The following PTPRD variants were observed in gnomAD, a reference collection of about 807,000 sequenced individuals.
PTPRD encodes the protein protein tyrosine phosphatase receptor type D, also known as receptor-type tyrosine-protein phosphatase delta.
Under a neutral mutation model 214.5 loss-of-function variants are expected in PTPRD, and 34 were observed. The ratio of observed to expected loss-of-function variants is 0.16; its 90% CI spans 0.12 to 0.21. PTPRD has a LOEUF of 0.21. PTPRD is among the 10% of genes least tolerant of loss of function. The probability of loss-of-function intolerance (pLI) is 1.00; values close to 1 mark genes in which losing one functional copy is unlikely to be tolerated. For synonymous variants in PTPRD, 1,128 were observed against 845.7 expected, an observed-to-expected ratio of 1.33 and a Z score of -5.79; for missense variants, 2,545 against 2,398.7, an observed-to-expected ratio of 1.06 and a Z score of -1.27.
intron 5 of PTPRD, among the ~76,000 whole-genome samples, chr9:9,802,629 C>T (rs1289456031): frequency 1.3e-5 from 2 of 151,358 alleles, no homozygotes; most frequent in African/African-American, 4.9e-5. Flanking sequence ...ACACAAAGCC[C>T]AGGATGCTAG....
chr9:8,824,474 T>A (rs1373514634), intron 11 of PTPRD, among the ~76,000 whole-genome samples: 1 of 152,210 alleles, frequency 6.6e-6, no homozygotes, highest in African/African-American at 2.4e-5. Context: ...TTATAACTTT[T>A]GAGTTTTGAC....
intron 7 of PTPRD, among the ~76,000 whole-genome samples, chr9:9,716,123 G>A (rs979547969): frequency 2.6e-5 from 4 of 151,896 alleles, no homozygotes; most frequent in East Asian, 1.9e-4. Context: ...TTGTTCTTGC[G>A]ATAGTTTACT....
At chr9:10,271,915 C>A (rs780665170) in intron 3 of PTPRD, among the ~76,000 whole-genome samples, 2 of 152,032 alleles carry the variant, frequency 1.3e-5, no homozygotes, top group South Asian at 2.1e-4. Context: ...TATGTGAATT[C>A]TCTTCCAGTC....
At chr9:9,934,131 G>T (rs1029074098) in intron 5 of PTPRD, among the ~76,000 whole-genome samples, 4 of 149,596 alleles carry the variant, frequency 2.7e-5, no homozygotes, top group African/African-American at 1.0e-4. Context: ...AAGCAGGTAA[G>T]ATCCAAAATT....
chr9:10,146,471 G>A (rs16931175), intron 3 of PTPRD, among the ~76,000 whole-genome samples: 20,962 of 151,916 alleles, frequency 0.14, 1,890 homozygotes, highest in African/African-American at 0.24. Context: ...TAAAGTGGCC[G>A]CTCCAGGAAT....
intron 44 of PTPRD, among the ~76,000 whole-genome samples, chr9:8,328,845 C>T (rs28873794): frequency 0.049 from 7,456 of 152,046 alleles, 577 homozygotes; most frequent in African/African-American, 0.17. Flanking sequence ...GTATGCTTCA[C>T]GAAGATCTTG....
At chr9:10,545,607 C>G (rs2060012703) in intron 2 of PTPRD, among the ~76,000 whole-genome samples, 1 of 151,990 alleles carries the variant, frequency 6.6e-6, no homozygotes, top group Non-Finnish European at 1.5e-5. Flanking sequence ...AGCAACTACT[C>G]AAAAATAAGT....
intron 3 of PTPRD, among the ~76,000 whole-genome samples, chr9:10,068,017 T>C (rs985209555): frequency 2.6e-5 from 4 of 151,938 alleles, no homozygotes; most frequent in African/African-American, 4.8e-5. Flanking sequence ...AACTTTTCCT[T>C]CTATATTTCT....
At chr9:10,502,364 T>G (rs2044060851) in intron 2 of PTPRD, among the ~76,000 whole-genome samples, 1 of 151,912 alleles carries the variant, frequency 6.6e-6, no homozygotes, top group South Asian at 2.1e-4. Flanking sequence ...ACATGAGTTA[T>G]GAAGGAGAGA....
intron 39 of PTPRD, among the ~76,000 whole-genome samples, chr9:8,373,984 G>A (rs2082441210): frequency 6.6e-6 from 1 of 151,256 alleles, no homozygotes; most frequent in Non-Finnish European, 1.5e-5. Context: ...AACATTTGGA[G>A]AAAGCACAGA....
At chr9:8,320,741 TG>T (rs1477627792) in intron 44 of PTPRD, among the ~76,000 whole-genome samples, 1 of 152,108 alleles carries the variant, frequency 6.6e-6, no homozygotes, top group Non-Finnish European at 1.5e-5. Context: ...AGAAAGGTTT[TG>T]AGTTTCTCTC....
intron 36 of PTPRD, 25 bp downstream of exon 36, chr9:8,404,512 A>G: frequency 6.3e-7 from 1 of 1,599,622 alleles, no homozygotes; most frequent in Non-Finnish European, 8.6e-7. Context: ...AAATAAAGGT[A>G]TCAGTGATGT....
chr9:8,473,668 G>A lies in PTPRD; in HGVS notation c.3414-2583C>T, dbSNP rs183103936. 2.5e-3 allele frequency among the ~76,000 whole-genome samples: 375 copies of A among 151,918 alleles called. 1 individual carries two copies. Among genetic ancestry groups the A allele is most frequent in the African/African-American group, 8.7e-3 (360 of 41,370 alleles). ...TTTTTCTTCTGCTTTCATACTTTGA[G>A]TTGCCATTCTTGTACATGAAAAAAA... On this transcript the variant is annotated intron_variant, in intron 30 of 45. Transcript: ENST00000381196.
chr9:9,442,277 T>C (rs1371975795), intron 8 of PTPRD: 2 of 152,190 alleles, frequency 1.3e-5, no homozygotes, highest in Non-Finnish European at 2.9e-5. Flanking sequence ...AGGTCAAAAC[T>C]CCCGTGCTGA....
chr9:9,611,405 G>C (rs936979626), intron 7 of PTPRD, among the ~76,000 whole-genome samples: 3 of 152,022 alleles, frequency 2.0e-5, no homozygotes, highest in African/African-American at 7.2e-5. Flanking sequence ...AAAATAAATA[G>C]TATATAATTG....
At chr9:9,337,258 T>A (rs189122427) in intron 9 of PTPRD, among the ~76,000 whole-genome samples, 119 of 152,218 alleles carry the variant, frequency 7.8e-4, no homozygotes, top group African/African-American at 2.7e-3. Flanking sequence ...AGAAACAATG[T>A]ATCCAAAATT....
chr9:9,622,614 T>C (rs1406235498), intron 7 of PTPRD, among the ~76,000 whole-genome samples: 2 of 152,174 alleles, frequency 1.3e-5, no homozygotes, highest in Admixed American at 6.5e-5. Flanking sequence ...AAGCCCACCA[T>C]CATGTAAGTT....
chr9:10,076,889 G>A (rs1362595633), intron 3 of PTPRD, among the ~76,000 whole-genome samples: 1 of 152,144 alleles, frequency 6.6e-6, no homozygotes, highest in Non-Finnish European at 1.5e-5. Flanking sequence ...CAAGACCATT[G>A]CTGTATTTGT....
rs77034829 is a variant in PTPRD at position 10,555,038 on chromosome 9, A to G, written c.-600+57360T>C. Among the ~76,000 whole-genome samples the G allele has an allele frequency of 6.3e-3, 955 of 152,246 alleles. 3 individuals carry two copies. Among genetic ancestry groups the G allele is most frequent in the Non-Finnish European group, 9.7e-3 (663 of 68,018 alleles). On this transcript the variant is annotated intron_variant, in intron 2 of 45. Transcript: ENST00000381196. ...AGTGATTAAATTGCCACCCATTTCC[A>G]TTGCTCTAAATTATGAAATTGTTAT...
Sources: allele counts gnomAD v4.1 joint callset (sites outside exome capture counted in the v4.1 genomes callset), GRCh38; gene constraint gnomAD v4.1.1; transcripts MANE v1.5; gene names NCBI Gene and HGNC (gene_info 2026-07-23, HGNC 2026-07-21).